The following SORCS2 variants were observed in gnomAD, a reference collection of about 807,000 sequenced individuals.
SORCS2 encodes the protein sortilin related VPS10 domain containing receptor 2.
A neutral mutation model predicts 141.6 loss-of-function variants in SORCS2; 100 were observed. That is an observed-to-expected ratio of 0.71 (90% CI 0.60 to 0.83). The LOEUF (loss-of-function observed/expected upper bound fraction) is 0.83, where lower values mean the gene tolerates loss of function less well. Ranked by LOEUF, SORCS2 falls within the 40% of genes least tolerant of loss-of-function variation. The probability of loss-of-function intolerance (pLI) is 0.00; values close to 1 mark genes in which losing one functional copy is unlikely to be tolerated. For missense variants in SORCS2, 1,646 were observed against 1,560.2 expected (o/e 1.05, Z -0.93); for synonymous variants, 789 against 676.9 (o/e 1.17, Z -2.57).
chr4:7,623,814 GACA>G (rs1719357636), intron 3 of SORCS2, among the ~76,000 whole-genome samples: 1 of 152,198 alleles, frequency 6.6e-6, no homozygotes, highest in Non-Finnish European at 1.5e-5. Flanking sequence ...TGGAGCCAAA[GACA>G]ACGAGGTTGT....
At chr4:7,338,779 T>A (rs1481654866) in intron 1 of SORCS2, among the ~76,000 whole-genome samples, 1 of 152,246 alleles carries the variant, frequency 6.6e-6, no homozygotes, top group African/African-American at 2.4e-5. Context: ...TAATCCCAAG[T>A]GGCAGGACAC....
At chr4:7,588,509 C>T (rs1716691382) in intron 3 of SORCS2, among the ~76,000 whole-genome samples, 1 of 152,170 alleles carries the variant, frequency 6.6e-6, no homozygotes, top group African/African-American at 2.4e-5. Flanking sequence ...AGCAGGAGAC[C>T]CAGTTTTGAA....
chr4:7,195,401 G>A (rs1727112584), intron 1 of SORCS2, among the ~76,000 whole-genome samples: 1 of 152,166 alleles, frequency 6.6e-6, no homozygotes, highest in Non-Finnish European at 1.5e-5. Context: ...CCCTCATTGT[G>A]AGTAGTGGGT....
intron 3 of SORCS2, among the ~76,000 whole-genome samples, chr4:7,583,338 T>A (rs1716289429): frequency 1.3e-5 from 2 of 152,038 alleles, no homozygotes; most frequent in African/African-American, 4.8e-5. Context: ...TTAAGGATCA[T>A]GTATTCCAAC....
At chr4:7,618,936 T>G (rs1055248056) in intron 3 of SORCS2, among the ~76,000 whole-genome samples, 12 of 152,052 alleles carry the variant, frequency 7.9e-5, no homozygotes, top group African/African-American at 2.9e-4. Flanking sequence ...GTGTGCACAG[T>G]GCGGGGGAGA....
At chr4:7,703,034 C>T (rs929334950) in intron 12 of SORCS2, among the ~76,000 whole-genome samples, 4 of 152,224 alleles carry the variant, frequency 2.6e-5, no homozygotes, top group Admixed American at 1.3e-4. Flanking sequence ...TTTGCAGTTT[C>T]CTTGTTCAGG....
chr4:7,586,800 T>G (rs745657314), intron 3 of SORCS2, among the ~76,000 whole-genome samples: 4 of 152,196 alleles, frequency 2.6e-5, no homozygotes, highest in Non-Finnish European at 5.9e-5. Context: ...ATATGTTTCT[T>G]TCAGTCTTTT....
intron 4 of SORCS2, among the ~76,000 whole-genome samples, chr4:7,645,393 C>G (rs1293750610): frequency 6.6e-6 from 1 of 152,188 alleles, no homozygotes; most frequent in African/African-American, 2.4e-5. Flanking sequence ...CCTAACCTCT[C>G]TGAGCTTCAG....
intron 2 of SORCS2, 41 bp downstream of exon 2, chr4:7,396,396 C>G: frequency 6.2e-7 from 1 of 1,601,096 alleles, no homozygotes; most frequent in South Asian, 1.1e-5. Context: ...TATGCACCTG[C>G]GTGCCATCTT....
Position 7,712,832 on chromosome 4 carries a change from C to T in SORCS2, c.1968C>T (p.Ser656=). ...SRQCGEEDYS[S]WELSNLQGDR... ...AGTGCGGCGAGGAGGACTACAGCTCCTGGGAGCTCTCCAACCTGCAGGTGG... is the reference window on the plus strand; with the variant it reads ...AGTGCGGCGAGGAGGACTACAGCTCTTGGGAGCTCTCCAACCTGCAGGTGG... Residue 656 remains serine (S), a synonymous_variant, in exon 15 of 27, where the codon TCC becomes TCT. Coordinates refer to ENST00000507866, the MANE Select transcript of SORCS2 (RefSeq NM_020777.3). The T allele has an allele frequency of 1.2e-6, 2 of 1,613,914 alleles. No homozygotes were observed. The highest frequency in any genetic ancestry group is 1.7e-6 in the Non-Finnish European group (2 of 1,179,856).
intron 1 of SORCS2, among the ~76,000 whole-genome samples, chr4:7,311,736 GTT>G (rs1718196628): frequency 6.6e-6 from 1 of 152,144 alleles, no homozygotes; most frequent in South Asian, 2.1e-4. Flanking sequence ...TTTTAAAAGA[GTT>G]TGCTTTTGTC....
chr4:7,483,321 T>G (rs1577639421), intron 2 of SORCS2, among the ~76,000 whole-genome samples: 1 of 73,262 alleles, frequency 1.4e-5, no homozygotes, highest in African/African-American at 7.7e-5. Flanking sequence ...AGACTCCATC[T>G]CAAAAAAAAA....
intron 2 of SORCS2, among the ~76,000 whole-genome samples, chr4:7,507,459 C>T (rs1475003837): frequency 1.3e-5 from 2 of 152,188 alleles, no homozygotes; most frequent in African/African-American, 4.8e-5. Context: ...CAGGCGTGAG[C>T]CACTGTGCCT....
At chr4:7,278,556 C>T (rs1353511308) in intron 1 of SORCS2, among the ~76,000 whole-genome samples, 5 of 152,316 alleles carry the variant, frequency 3.3e-5, no homozygotes, top group South Asian at 2.1e-4. Flanking sequence ...GGCAAGGTGC[C>T]GGCTCTGCAG....
At chr4:7,737,658 C>T (rs904311693) in intron 26 of SORCS2, among the ~76,000 whole-genome samples, 7 of 152,204 alleles carry the variant, frequency 4.6e-5, no homozygotes, top group Non-Finnish European at 8.8e-5. Context: ...CTGATGGGAT[C>T]CCCTTCGCTC....
chr4:7,547,442 G>A (rs1052736861), intron 3 of SORCS2, among the ~76,000 whole-genome samples: 1 of 152,220 alleles, frequency 6.6e-6, no homozygotes, highest in Non-Finnish European at 1.5e-5. Flanking sequence ...AATCCAGGCT[G>A]CCTGTGCTGT....
chr4:7,706,042 A>AGGCTGGGCTCCGCCTGGGCAGGGATGG, intron 14 of SORCS2, among the ~76,000 whole-genome samples: 1 of 148,082 alleles, frequency 6.8e-6, no homozygotes, highest in Non-Finnish European at 1.5e-5. Context: ...GGCAGGGATG[A>AGGCTGGGCTCCGCCTGGGCAGGGATGG]GGCTGGGCTC....
At chr4:7,674,579 A>T (rs1427390186) in intron 8 of SORCS2, among the ~76,000 whole-genome samples, 2 of 64,334 alleles carry the variant, frequency 3.1e-5, no homozygotes, top group Middle Eastern at 7.0e-3. Flanking sequence ...GTCTCAAAAT[A>T]AAAAAAAAAA....
intron 2 of SORCS2, among the ~76,000 whole-genome samples, chr4:7,447,263 G>A (rs1352395992): frequency 6.6e-6 from 1 of 152,172 alleles, no homozygotes; most frequent in African/African-American, 2.4e-5. Context: ...GTGTCTGAGA[G>A]TGGATCATGT....
Sources: gnomAD v4.1 joint callset for allele counts (sites outside exome capture counted in the v4.1 genomes callset) on GRCh38, gnomAD v4.1.1 for gene constraint, MANE v1.5 for transcripts, NCBI Gene and HGNC (gene_info 2026-07-23, HGNC 2026-07-21) for gene names.